The following GRM1 variants were observed in gnomAD, a reference collection of about 807,000 sequenced individuals.
GRM1 encodes the protein glutamate metabotropic receptor 1, also known as metabotropic glutamate receptor 1.
In GRM1, 33 loss-of-function variants were observed where a neutral mutation model predicts 90.9. The ratio of observed to expected loss-of-function variants is 0.36; its 90% CI spans 0.28 to 0.49. GRM1 has a LOEUF of 0.49. Among genes scored for constraint, GRM1 ranks in the 20% least tolerant of loss-of-function variants. The probability of loss-of-function intolerance (pLI) is 0.99; values close to 1 mark genes in which losing one functional copy is unlikely to be tolerated. For synonymous variants in GRM1, 700 were observed against 613.2 expected (o/e 1.14, Z -2.09); for missense variants, 1,190 against 1,534.3 (o/e 0.78, Z 3.75).
At chr6:146,052,994 G>T (rs1404834556) in intron 1 of GRM1, among the ~76,000 whole-genome samples, 1 of 151,946 alleles carries the variant, frequency 6.6e-6, no homozygotes, top group Non-Finnish European at 1.5e-5. Flanking sequence ...TTTATAACAG[G>T]AAAGACAAAT....
At chr6:146,210,111 G>T (rs1338095326) in intron 2 of GRM1, among the ~76,000 whole-genome samples, 1 of 152,072 alleles carries the variant, frequency 6.6e-6, no homozygotes, top group African/African-American at 2.4e-5. Context: ...GAGTCTCTTG[G>T]CTTTTATACT....
chr6:146,239,354 A>C (rs537206579), intron 2 of GRM1, among the ~76,000 whole-genome samples: 2 of 151,664 alleles, frequency 1.3e-5, no homozygotes, highest in African/African-American at 4.8e-5. Flanking sequence ...ATTCTGTAGG[A>C]AGTTCTGAAA....
intron 1 of GRM1, among the ~76,000 whole-genome samples, chr6:146,106,916 G>A (rs1443514071): frequency 6.6e-6 from 1 of 152,196 alleles, no homozygotes; most frequent in African/African-American, 2.4e-5. Flanking sequence ...GCCAAACAAT[G>A]ATAAGTGCTT....
intron 2 of GRM1, among the ~76,000 whole-genome samples, chr6:146,286,676 T>G (rs1358365503): frequency 1.3e-5 from 2 of 152,202 alleles, no homozygotes; most frequent in African/African-American, 2.4e-5. Context: ...AGTGAACAAT[T>G]GGAAAGCGTA....
chr6:146,151,540 A>G (rs1256712521), intron 1 of GRM1, among the ~76,000 whole-genome samples: 1 of 152,312 alleles, frequency 6.6e-6, no homozygotes, highest in South Asian at 2.1e-4. Context: ...CTTTTTTGCC[A>G]TGATGGCAGT....
intron 2 of GRM1, among the ~76,000 whole-genome samples, chr6:146,269,653 G>C (rs1782040382): frequency 1.3e-5 from 2 of 152,112 alleles, no homozygotes; most frequent in Admixed American, 1.3e-4. Flanking sequence ...AGATCAGCAG[G>C]GTCATTAAAT....
At chr6:146,142,370 G>A (rs1334777874) in intron 1 of GRM1, among the ~76,000 whole-genome samples, 3 of 152,166 alleles carry the variant, frequency 2.0e-5, no homozygotes, top group Non-Finnish European at 4.4e-5. Flanking sequence ...TAGCACAGCA[G>A]TGTGGAACTC....
In GRM1 at chr6:146,093,384, C is replaced by T. The variant is rs75539259; in HGVS notation, c.700+63167C>T. On this transcript the variant is annotated intron_variant, in intron 1 of 7. Transcript: ENST00000282753. ...ATGCAGTTAATTCAGAGATGATTCT[C>T]AGAATATTGGTTGGTTGGTTTACAC... 1.6e-4 allele frequency among the ~76,000 whole-genome samples: 24 copies of T among 152,164 alleles called. No homozygotes were observed. The East Asian group carries it at 4.4e-3, about 28-fold the overall frequency.
chr6:146,390,902 G>A (rs1402289442), intron 6 of GRM1, among the ~76,000 whole-genome samples: 1 of 151,956 alleles, frequency 6.6e-6, no homozygotes, highest in Non-Finnish European at 1.5e-5. Context: ...GAAGAAAAAA[G>A]CCTTTGCAGA....
intron 1 of GRM1, among the ~76,000 whole-genome samples, chr6:146,073,966 A>G (rs1030263897): frequency 6.6e-6 from 1 of 152,204 alleles, no homozygotes; most frequent in Admixed American, 6.6e-5. Context: ...AATAGTCTCA[A>G]AAAATGGTAG....
At chr6:146,149,419 C>T (rs1005540711) in intron 1 of GRM1, among the ~76,000 whole-genome samples, 8 of 152,132 alleles carry the variant, frequency 5.3e-5, no homozygotes, top group African/African-American at 1.9e-4. Flanking sequence ...AGCCTTATGT[C>T]CACTTTCAGA....
At chr6:146,049,401 C>A (rs896213514) in intron 1 of GRM1, among the ~76,000 whole-genome samples, 3 of 151,952 alleles carry the variant, frequency 2.0e-5, no homozygotes, top group African/African-American at 7.2e-5. Flanking sequence ...TTCTCCTTTT[C>A]TTACACGTCA....
At chr6:146,322,928 G>A (rs1784252536) in intron 3 of GRM1, among the ~76,000 whole-genome samples, 1 of 152,140 alleles carries the variant, frequency 6.6e-6, no homozygotes, top group Non-Finnish European at 1.5e-5. Context: ...CAAAGGACAT[G>A]AACTCATCAT....
intron 1 of GRM1, among the ~76,000 whole-genome samples, chr6:146,098,132 C>T (rs994674238): frequency 2.0e-5 from 3 of 152,150 alleles, no homozygotes; most frequent in Admixed American, 6.6e-5. Flanking sequence ...TGATTTGACA[C>T]CATTGTACCA....
intron 5 of GRM1, among the ~76,000 whole-genome samples, chr6:146,363,925 C>T (rs1775584867): frequency 6.6e-6 from 1 of 152,234 alleles, no homozygotes; most frequent in Non-Finnish European, 1.5e-5. Flanking sequence ...TATTGCCCCT[C>T]TGTTCTCACT....
intron 2 of GRM1, among the ~76,000 whole-genome samples, chr6:146,219,346 A>G (rs1779977731): frequency 6.6e-6 from 1 of 152,194 alleles, no homozygotes; most frequent in African/African-American, 2.4e-5. Flanking sequence ...GGGGGTGAGA[A>G]CAATACTTTG....
chr6:146,064,657 T>C (rs1268293698), intron 1 of GRM1, among the ~76,000 whole-genome samples: 3 of 151,812 alleles, frequency 2.0e-5, no homozygotes, highest in Admixed American at 1.3e-4. Context: ...GTCAGATTTG[T>C]TCTTTTTTTT....
At chr6:146,270,829 GC>G (rs1782088344) in intron 2 of GRM1, among the ~76,000 whole-genome samples, 1 of 145,710 alleles carries the variant, frequency 6.9e-6, no homozygotes, top group Non-Finnish European at 1.5e-5. Flanking sequence ...CTGCCTGCCT[GC>G]CTGCCTGCCT....
intron 1 of GRM1, among the ~76,000 whole-genome samples, chr6:146,120,345 G>A (rs75534981): frequency 0.012 from 1,759 of 152,208 alleles, 15 homozygotes; most frequent in South Asian, 0.031. Context: ...GGGCTGAGAC[G>A]ATGGGGTTTT....
Sources: allele counts gnomAD v4.1 joint callset (sites outside exome capture counted in the v4.1 genomes callset), GRCh38; gene constraint gnomAD v4.1.1; transcripts MANE v1.5; gene names NCBI Gene and HGNC (gene_info 2026-07-23, HGNC 2026-07-21).